The following SPRR2G variants were observed in gnomAD, a reference collection of about 807,000 sequenced individuals.
The protein encoded by SPRR2G is small proline rich protein 2G.
SPRR2G carries 1 observed loss-of-function variant against 0.7 expected under a neutral mutation model. The observed-to-expected ratio is 1.49, with a 90% CI of 0.53 to 7.06. The LOEUF is 7.06. Ranked by LOEUF, SPRR2G falls within the 30% of genes most tolerant of loss-of-function variation. The probability of loss-of-function intolerance (pLI) is 0.14; values close to 1 mark genes in which losing one functional copy is unlikely to be tolerated. For synonymous variants in SPRR2G, 38 were observed against 33.9 expected (o/e 1.12, Z -0.42); for missense variants, 96 against 88.5 (o/e 1.09, Z -0.34).
At chr1:153,199,649 G>A in the SPRR2G span, among the ~76,000 whole-genome samples, 1 of 152,200 alleles carries the variant, frequency 6.6e-6, no homozygotes, top group South Asian at 2.1e-4. Context: ...CCTTCCTGCA[G>A]TAGTACCAAG....
upstream of SPRR2G, among the ~76,000 whole-genome samples, chr1:153,155,630 C>CT (rs552877568): frequency 1.2e-3 from 185 of 152,272 alleles, 4 homozygotes; most frequent in South Asian, 0.018. Context: ...GCTTAAAATA[C>CT]TTTAAGTTCT....
chr1:153,201,654 TA>T, the SPRR2G span, among the ~76,000 whole-genome samples: 2 of 152,230 alleles, frequency 1.3e-5, no homozygotes, highest in African/African-American at 2.4e-5. Context: ...ATTCCAGTGA[TA>T]GGGGGTTAAA....
the SPRR2G span, among the ~76,000 whole-genome samples, chr1:153,195,496 C>T: frequency 6.9e-3 from 1,052 of 152,308 alleles, 12 homozygotes; most frequent in Middle Eastern, 0.014. Context: ...ACTACTGCCA[C>T]TGCTGGCTCA....
At chr1:153,195,346 G>A in the SPRR2G span, among the ~76,000 whole-genome samples, 530 of 152,226 alleles carry the variant, frequency 3.5e-3, 2 homozygotes, top group African/African-American at 0.012. Flanking sequence ...GTATCCTCCC[G>A]GCTCCTCCTC....
chr1:153,183,971 A>G, the SPRR2G span, among the ~76,000 whole-genome samples: 1 of 152,240 alleles, frequency 6.6e-6, no homozygotes, highest in Non-Finnish European at 1.5e-5. Flanking sequence ...TTTATTAAAT[A>G]GGGAATTCCT....
At chr1:153,202,042 C>A in the SPRR2G span, among the ~76,000 whole-genome samples, 1 of 152,210 alleles carries the variant, frequency 6.6e-6, no homozygotes, top group Non-Finnish European at 1.5e-5. Flanking sequence ...AATACAAATT[C>A]TTGAGTTTAC....
At chr1:153,163,685 C>T in the SPRR2G span, among the ~76,000 whole-genome samples, 168 of 152,298 alleles carry the variant, frequency 1.1e-3, no homozygotes, top group African/African-American at 3.6e-3. Context: ...GTCCCTCTGA[C>T]TGCTCTCTTC....
the SPRR2G span, among the ~76,000 whole-genome samples, chr1:153,175,852 A>T: frequency 6.6e-6 from 1 of 152,186 alleles, no homozygotes; most frequent in Non-Finnish European, 1.5e-5. Flanking sequence ...TGGGAGGCCA[A>T]GGCAGGTGGA....
chr1:153,170,202 A>G, the SPRR2G span, among the ~76,000 whole-genome samples: 9 of 152,220 alleles, frequency 5.9e-5, no homozygotes, highest in Non-Finnish European at 1.3e-4. Context: ...AAAATTGAGG[A>G]TATCAACTTG....
At chr1:153,151,045 C>T (rs931423304), upstream of SPRR2G, among the ~76,000 whole-genome samples, 1 of 152,240 alleles carries the variant, frequency 6.6e-6, no homozygotes, top group Non-Finnish European at 1.5e-5. Context: ...TGATCCTCCC[C>T]AGCAGGATAA....
chr1:153,152,813 A>T (rs1348928185), upstream of SPRR2G, among the ~76,000 whole-genome samples: 2 of 152,158 alleles, frequency 1.3e-5, no homozygotes, highest in Non-Finnish European at 2.9e-5. Flanking sequence ...ACAATTTTAG[A>T]CCTACTTTTC....
chr1:153,187,450 G>T, the SPRR2G span, among the ~76,000 whole-genome samples: 3 of 151,586 alleles, frequency 2.0e-5, no homozygotes, highest in Admixed American at 6.6e-5. Flanking sequence ...TCATTAAGTT[G>T]ATCTTCAATC....
At chr1:153,193,721 A>G in the SPRR2G span, among the ~76,000 whole-genome samples, 1 of 152,162 alleles carries the variant, frequency 6.6e-6, no homozygotes, top group Non-Finnish European at 1.5e-5. Flanking sequence ...CAGCAAGTCC[A>G]TTCTGCTTGT....
At chr1:153,187,904 G>A in the SPRR2G span, among the ~76,000 whole-genome samples, 1 of 152,144 alleles carries the variant, frequency 6.6e-6, no homozygotes, top group South Asian at 2.1e-4. Context: ...TGTCCTTTTT[G>A]TTGATGTTGA....
the SPRR2G span, among the ~76,000 whole-genome samples, chr1:153,187,356 C>T: frequency 6.6e-6 from 1 of 152,152 alleles, no homozygotes; most frequent in Non-Finnish European, 1.5e-5. Flanking sequence ...TATGTTTGCT[C>T]TTTTCACATA....
At chr1:153,175,186 G>A in the SPRR2G span, among the ~76,000 whole-genome samples, 1 of 151,946 alleles carries the variant, frequency 6.6e-6, no homozygotes, top group Non-Finnish European at 1.5e-5. Flanking sequence ...CTCTCACTTG[G>A]ACTAATCGTA....
chr1:153,158,466 T>A, the SPRR2G span, among the ~76,000 whole-genome samples: 1 of 152,218 alleles, frequency 6.6e-6, no homozygotes, highest in Admixed American at 6.5e-5. Flanking sequence ...GTTTCCATGG[T>A]CTTTGGCAGC....
the SPRR2G span, among the ~76,000 whole-genome samples, chr1:153,182,734 T>G: frequency 6.6e-6 from 1 of 152,238 alleles, no homozygotes; most frequent in Non-Finnish European, 1.5e-5. Context: ...TTCTTTTTTA[T>G]GGCTGCATAG....
chr1:153,178,497 T>C, the SPRR2G span, among the ~76,000 whole-genome samples: 1 of 152,296 alleles, frequency 6.6e-6, no homozygotes, highest in Non-Finnish European at 1.5e-5. Flanking sequence ...TTTCTATTCC[T>C]AGTTTGCAAG....
Sources: gnomAD v4.1 joint callset for allele counts (sites outside exome capture counted in the v4.1 genomes callset) on GRCh38, gnomAD v4.1.1 for gene constraint, MANE v1.5 for transcripts, NCBI Gene and HGNC (gene_info 2026-07-23, HGNC 2026-07-21) for gene names.